Variants in TACC2 observed in about 807,000 individuals in gnomAD.
The protein encoded by TACC2 is transforming acidic coiled-coil containing protein 2, also known as transforming acidic coiled-coil-containing protein 2.
In TACC2, 137 loss-of-function variants were observed where a neutral mutation model predicts 227.3. The ratio of observed to expected loss-of-function variants is 0.60; its 90% CI spans 0.52 to 0.69. TACC2 has a LOEUF of 0.69. TACC2 is among the 30% of genes least tolerant of loss of function. The pLI, the probability that TACC2 is intolerant of heterozygous loss-of-function variation, is 0.00. For missense variants in TACC2, 3,470 were observed against 3,694.4 expected, an observed-to-expected ratio of 0.94 and a Z score of 1.57; for synonymous variants, 1,523 against 1,487.5, an observed-to-expected ratio of 1.02 and a Z score of -0.55.
intron 2 of TACC2, among the ~76,000 whole-genome samples, chr10:122,028,057 C>CT (rs990423108): frequency 3.2e-5 from 4 of 126,918 alleles, no homozygotes; most frequent in African/African-American, 1.2e-4. Context: ...GTTTTCTTTT[C>CT]TTTTTTTCTT....
At position 122,180,843 on chromosome 10, in the gene TACC2, C is replaced by T. The variant is rs1302357780; in HGVS notation, c.5835-14197C>T. Reference sequence around the variant, plus strand: ...CAAACCTCTGCCTCCCAGGCTCAAGCGATTCTCCTGCCTCAGCCTCTCCTG... The same window carrying T: ...CAAACCTCTGCCTCCCAGGCTCAAGTGATTCTCCTGCCTCAGCCTCTCCTG... On this transcript the variant is annotated intron_variant, in intron 7 of 22. Coordinates refer to ENST00000369005, the MANE Select transcript of TACC2 (RefSeq NM_206862.4). The surrounding 1 kb of genome is among the most constrained non-coding windows in gnomAD (Gnocchi z 4.5). Among the ~76,000 whole-genome samples, 1 of 152,162 alleles carries T rather than the reference C, an allele frequency of 6.6e-6. No individual in the cohort carries two copies. The highest frequency in any genetic ancestry group is 2.4e-5 in the African/African-American group (1 of 41,438).
chr10:122,186,256 T>A (rs2094187809), intron 7 of TACC2, among the ~76,000 whole-genome samples: 2 of 152,120 alleles, frequency 1.3e-5, no homozygotes, highest in Admixed American at 6.5e-5. Context: ...TTATATTTTT[T>A]AAGAATCTCA....
At chr10:122,144,830 G>C (rs2091153853) in intron 7 of TACC2, among the ~76,000 whole-genome samples, 2 of 152,314 alleles carry the variant, frequency 1.3e-5, no homozygotes, top group South Asian at 2.1e-4. Flanking sequence ...CTGAGTCCCA[G>C]AGGGACTTTC....
intron 3 of TACC2, among the ~76,000 whole-genome samples, chr10:122,081,721 G>C (rs1037120629): frequency 1.3e-5 from 2 of 152,090 alleles, no homozygotes; most frequent in African/African-American, 4.8e-5. Context: ...CCAGATAAGT[G>C]TTCAAGTTAA....
intron 11 of TACC2, 160 bp downstream of exon 11, chr10:122,216,988 G>C (rs529702517): frequency 1.4e-6 from 2 of 1,416,062 alleles, no homozygotes; most frequent in Admixed American, 4.3e-5. Flanking sequence ...CTCAGGCTGT[G>C]TTTGAAAACA....
chr10:122,072,580 T>A (rs1263913743), intron 3 of TACC2, among the ~76,000 whole-genome samples: 1 of 152,132 alleles, frequency 6.6e-6, no homozygotes, highest in Non-Finnish European at 1.5e-5. Flanking sequence ...CATGGCAGTT[T>A]TTCTCTCCTA....
At chr10:122,204,640 A>T (rs891227814) in intron 8 of TACC2, among the ~76,000 whole-genome samples, 4 of 152,202 alleles carry the variant, frequency 2.6e-5, no homozygotes, top group African/African-American at 4.8e-5. Context: ...GTTTGAGACC[A>T]GCCTGGGCAG....
At chr10:122,110,701 T>G (rs1209147260) in intron 5 of TACC2, among the ~76,000 whole-genome samples, 1 of 152,222 alleles carries the variant, frequency 6.6e-6, no homozygotes, top group Non-Finnish European at 1.5e-5. Flanking sequence ...CCTAGCTATC[T>G]TCTTAAAATC....
At position 122,209,522 on chromosome 10, in the gene TACC2, T is replaced by A. The variant is rs942752476; in HGVS notation, c.5972-875T>A. Among the ~76,000 whole-genome samples the A allele has an allele frequency of 6.6e-6, 1 of 152,190 alleles. No individual in the cohort carries two copies. The highest frequency in any genetic ancestry group is 2.4e-5 in the African/African-American group (1 of 41,452). ...GCACTATTCCTTCTACCCAGGATGC[T>A]TCCTCCCCAGGAGTCCTCCTGTTTC... On this transcript the variant is annotated intron_variant, in intron 8 of 22. Transcript: ENST00000369005. The surrounding 1 kb of genome is among the most constrained non-coding windows in gnomAD (Gnocchi z 4.5).
intron 7 of TACC2, among the ~76,000 whole-genome samples, chr10:122,159,982 C>T (rs149517451): frequency 0.014 from 2,157 of 152,166 alleles, 26 homozygotes; most frequent in Non-Finnish European, 0.023. Flanking sequence ...ACCATGGCTC[C>T]GTCCGTTGAA....
intron 5 of TACC2, among the ~76,000 whole-genome samples, chr10:122,104,309 T>C (rs1348715929): frequency 2.0e-5 from 3 of 152,214 alleles, no homozygotes; most frequent in Non-Finnish European, 4.4e-5. Flanking sequence ...ACTTGTGTTA[T>C]TATCTACTTA....
At chr10:122,010,004 ACTCT>A (rs1231596885) in intron 1 of TACC2, among the ~76,000 whole-genome samples, 1 of 151,758 alleles carries the variant, frequency 6.6e-6, no homozygotes, top group African/African-American at 2.4e-5. Context: ...GTTAGCGAAA[ACTCT>A]CTCTGAGGTC....
intron 6 of TACC2, among the ~76,000 whole-genome samples, chr10:122,134,444 G>T (rs2089118602): frequency 6.6e-6 from 1 of 152,134 alleles, no homozygotes; most frequent in Non-Finnish European, 1.5e-5. Context: ...CTCCCAAAGT[G>T]CTGGGATTAC....
intron 5 of TACC2, among the ~76,000 whole-genome samples, chr10:122,095,722 G>T (rs2081306157): frequency 6.6e-6 from 1 of 152,200 alleles, no homozygotes; most frequent in African/African-American, 2.4e-5. Flanking sequence ...CTGGGGAGGC[G>T]CCCTGTTCCC....
At position 122,122,987 on chromosome 10, in the gene TACC2, G is replaced by A. The variant is rs575135863; in HGVS notation, c.5574-9622G>A. Among the ~76,000 whole-genome samples, 12 of 152,240 alleles carry A rather than the reference G, an allele frequency of 7.9e-5. No homozygotes were observed. In the East Asian group the frequency reaches 1.9e-3, roughly 24 times the overall value. ...GGGCCATAGTTTCTCCTCTGCTGCTGAGAGAGGTTGGCCTCTCTGGTTTTG... is the reference window on the plus strand; with the variant it reads ...GGGCCATAGTTTCTCCTCTGCTGCTAAGAGAGGTTGGCCTCTCTGGTTTTG... On this transcript the variant is annotated intron_variant, in intron 5 of 22. Coordinates refer to ENST00000369005, the MANE Select transcript of TACC2 (RefSeq NM_206862.4).
intron 5 of TACC2, among the ~76,000 whole-genome samples, chr10:122,090,232 T>C (rs1290170631): frequency 6.6e-6 from 1 of 151,918 alleles, no homozygotes; most frequent in Non-Finnish European, 1.5e-5. Context: ...TTTTCCAGAA[T>C]ACTTGTGAGG....
intron 8 of TACC2, among the ~76,000 whole-genome samples, chr10:122,204,122 C>T (rs1419390837): frequency 2.9e-5 from 4 of 135,842 alleles, no homozygotes; most frequent in African/African-American, 1.1e-4. Flanking sequence ...AGTCCAGCTT[C>T]GGCTCGGCAT....
intron 1 of TACC2, among the ~76,000 whole-genome samples, chr10:122,008,826 G>A (rs1955575756): frequency 6.6e-6 from 1 of 152,178 alleles, no homozygotes; most frequent in African/African-American, 2.4e-5. Context: ...ACTCACCTTG[G>A]CCTCCCAAAG....
At chr10:122,191,353 A>G (rs1454958408) in intron 7 of TACC2, among the ~76,000 whole-genome samples, 4 of 152,208 alleles carry the variant, frequency 2.6e-5, no homozygotes, top group African/African-American at 7.2e-5. Context: ...ATAACAGTAT[A>G]TTCAACAAAT....
Sources: allele counts gnomAD v4.1 joint callset (sites outside exome capture counted in the v4.1 genomes callset), GRCh38; gene constraint gnomAD v4.1.1; non-coding constraint Gnocchi (gnomAD v3.1); transcripts MANE v1.5; gene names NCBI Gene and HGNC (gene_info 2026-07-23, HGNC 2026-07-21).